Variants in ZNF17 observed in about 807,000 individuals in gnomAD.
ZNF17 encodes the protein zinc finger protein 17.
ZNF17 carries 4 observed loss-of-function variants against 7.7 expected under a neutral mutation model. The ratio of observed to expected loss-of-function variants is 0.52; its 90% CI spans 0.26 to 1.20. The LOEUF is 1.20. Ranked by LOEUF, ZNF17 falls within the 50% of genes most tolerant of loss-of-function variation. The probability of loss-of-function intolerance (pLI) is 0.14; values close to 1 mark genes in which losing one functional copy is unlikely to be tolerated. For missense variants in ZNF17, 738 were observed against 799.5 expected, an observed-to-expected ratio of 0.92 and a Z score of 0.93; for synonymous variants, 249 against 258.8, an observed-to-expected ratio of 0.96 and a Z score of 0.36.
At position 57,421,732 on chromosome 19, in the gene ZNF17, A is replaced by G. The variant is rs2088853407; in HGVS notation, c.*251A>G. 5 of 380,976 alleles carry G rather than the reference A, an allele frequency of 1.3e-5. No homozygotes were observed. In the East Asian group the frequency reaches 2.1e-4, roughly 16 times the overall value. 23.6% of individuals were successfully genotyped at this position (380,976 alleles called of 1,614,324 possible). ...TAAAACCTTATTCCTCACTCCATCC[A>G]GCCTCTTGACAAGCACCGCTCTGTA... On this transcript the variant is annotated 3_prime_UTR_variant, in exon 4 of 4. Coordinates refer to ENST00000307658, the MANE Select transcript of ZNF17 (RefSeq NM_001330617.2).
At chr19:57,415,599 C>A (rs2088806774) in intron 2 of ZNF17, among the ~76,000 whole-genome samples, 1 of 152,090 alleles carries the variant, frequency 6.6e-6, no homozygotes, top group Non-Finnish European at 1.5e-5. Flanking sequence ...GGGCTGAGGA[C>A]TGGATCTTTC....
chr19:57,413,494 C>T (rs373266124), intron 1 of ZNF17, 102 bp from the exon 2 acceptor site: 5 of 1,261,558 alleles, frequency 4.0e-6, no homozygotes, highest in East Asian at 5.1e-5. Flanking sequence ...TGTGTACCCT[C>T]AGATAACTTT....
Position 57,421,602 on chromosome 19 carries a change from A to C in ZNF17, c.*121A>C. The C allele has an allele frequency of 1.8e-6, 2 of 1,141,872 alleles. No individual in the cohort carries two copies. The highest frequency in any genetic ancestry group is 2.4e-6 in the Non-Finnish European group (2 of 819,024). The allele number at this position is 1,141,872 out of a possible 1,614,324, so 70.7% of individuals were successfully genotyped here. A position where few individuals can be genotyped will look rare whatever the true frequency, so the allele number is the denominator to read the frequency against. ...GAATACAGATAACATAAAATCTAAC[A>C]TCTTAACCATGTTAAAGTGTATAGT... On this transcript the variant is annotated 3_prime_UTR_variant, in exon 4 of 4. Coordinates refer to ENST00000307658, the MANE Select transcript of ZNF17 (RefSeq NM_001330617.2).
chr19:57,415,199 G>C (rs1033546739), intron 2 of ZNF17, among the ~76,000 whole-genome samples: 1 of 152,168 alleles, frequency 6.6e-6, no homozygotes, highest in African/African-American at 2.4e-5. Context: ...TTGATCTAGA[G>C]CTGCTCACAT....
rs1167464747 is a variant in ZNF17 at position 57,421,244 on chromosome 19, C to A, written c.1758C>A (p.Cys586Ter). The change falls in exon 4 of 4, where the codon TGC (cysteine) becomes TGA (stop). Residue 586 changes from cysteine to a stop codon, truncating the protein, a stop_gained. Transcript: ENST00000307658. LOFTEE classifies it low-confidence loss of function (END_TRUNC). ...KVHTRERTYK[C>*]SKCGKFFMDS... ...ACACTAGGGAAAGAACTTACAAATG[C>A]AGCAAATGTGGGAAATTTTTTATGG... 1.9e-6 allele frequency: 3 copies of A among 1,613,966 alleles called. No individual in the cohort carries two copies. Among genetic ancestry groups the A allele is most frequent in the Non-Finnish European group, 1.7e-6 (2 of 1,179,996 alleles).
chr19:57,416,023 G>C (rs1208637675), intron 2 of ZNF17, among the ~76,000 whole-genome samples: 4 of 152,058 alleles, frequency 2.6e-5, no homozygotes, highest in African/African-American at 9.7e-5. Flanking sequence ...GACTGCTTAT[G>C]GGACAACATA....
intron 2 of ZNF17, among the ~76,000 whole-genome samples, chr19:57,415,001 C>T (rs981584127): frequency 1.8e-4 from 28 of 152,342 alleles, no homozygotes; most frequent in Non-Finnish European, 2.9e-4. Context: ...TGAGCCACTG[C>T]ACCCAGCCAG....
rs556515874 is a variant in ZNF17, at chr19:57,418,709, A to G, written c.148+671A>G. On this transcript the variant is annotated intron_variant, in intron 3 of 3. Transcript: ENST00000307658. ...GGGAGCTCAGAAGGGGTGTGATGAC[A>G]GGGCTGGGTTCACATCACACTGGGA... Among the ~76,000 whole-genome samples, 245 of 152,172 alleles carry G rather than the reference A, an allele frequency of 1.6e-3. 1 individual carries two copies. Among genetic ancestry groups the G allele is most frequent in the Non-Finnish European group, 2.0e-3 (136 of 67,998 alleles).
At chr19:57,417,425 G>T (rs2088817487) in intron 2 of ZNF17, among the ~76,000 whole-genome samples, 1 of 152,172 alleles carries the variant, frequency 6.6e-6, no homozygotes, top group Non-Finnish European at 1.5e-5. Context: ...ATGTGTGATT[G>T]TTAGATAGGA....
intron 2 of ZNF17, among the ~76,000 whole-genome samples, chr19:57,416,178 G>A (rs1297917996): frequency 3.9e-5 from 6 of 152,114 alleles, no homozygotes; most frequent in East Asian, 3.9e-4. Flanking sequence ...ATTGCATTCT[G>A]GTCATTCTAG....
intron 1 of ZNF17, chr19:57,411,701 G>A (rs1409498456): frequency 7.6e-7 from 1 of 1,314,630 alleles, no homozygotes; most frequent in Non-Finnish European, 9.7e-7. Context: ...GAAAGCCGTA[G>A]AAGGCTGTGC....
Position 57,420,938 on chromosome 19 carries a change from C to T in ZNF17, c.1452C>T (p.Ser484=), listed in dbSNP as rs1398133952. 8.7e-6 allele frequency: 14 copies of T among 1,613,686 alleles called. No individual in the cohort carries two copies. The highest frequency in any genetic ancestry group is 5.0e-5 in the Admixed American group (3 of 59,986). ...CSECGKFFVD[S]CTLKSHQRVH... ...AATGTGGCAAATTCTTTGTGGACAG[C>T]TGTACACTGAAGAGTCATCAGAGAG... is the stretch of plus-strand genomic sequence containing the variant. The change falls in exon 4 of 4, where the codon AGC becomes AGT. Residue 484 remains serine, a synonymous_variant. Transcript: ENST00000307658.
chr19:57,416,055 G>A (rs914404395), intron 2 of ZNF17, among the ~76,000 whole-genome samples: 1 of 152,114 alleles, frequency 6.6e-6, no homozygotes, highest in Non-Finnish European at 1.5e-5. Context: ...GGGGGAGACA[G>A]CCAAGATCTG....
intron 2 of ZNF17, among the ~76,000 whole-genome samples, chr19:57,416,352 G>A (rs1236958297): frequency 1.3e-5 from 2 of 152,128 alleles, no homozygotes; most frequent in Non-Finnish European, 2.9e-5. Flanking sequence ...TCCAAAGCCT[G>A]AGTGGAGGAG....
rs2088849777 is a variant in ZNF17, at chr19:57,421,269, G to C, written c.1783G>C (p.Asp595His). The stretch of plus-strand genomic sequence containing the variant: ...CAGCAAATGTGGGAAATTTTTTATG[G>C]ACAGCTCCACACTCATTAGTCATGA... Reference protein sequence around the residue: ...KCSKCGKFFMDSSTLISHERV... With the variant: ...KCSKCGKFFMHSSTLISHERV... Residue 595 changes from aspartate to histidine, a missense_variant, in exon 4 of 4, where the codon GAC (aspartate) becomes CAC (histidine). Physicochemically the swap from Asp to His is moderately conservative, Grantham distance 81 (BLOSUM62 -1). This residue lies in a region of ZNF17 where 116 missense variants were observed against 114.0 expected (regional missense o/e 1.02). Coordinates refer to ENST00000307658, the MANE Select transcript of ZNF17 (RefSeq NM_001330617.2). 6.2e-7 allele frequency: 1 copy of C among 1,613,544 alleles called. No individual in the cohort carries two copies. Among genetic ancestry groups the C allele is most frequent in the South Asian group, 1.1e-5 (1 of 91,052 alleles).
In ZNF17 at chr19:57,421,621, G is replaced by GTA; in HGVS notation, c.*143_*144dup. 1.0e-6 allele frequency: 1 copy of GTA among 982,858 alleles called. No homozygotes were observed. Among genetic ancestry groups the GTA allele is most frequent in the Non-Finnish European group, 1.5e-6 (1 of 681,046 alleles). The allele number at this position is 982,858 out of a possible 1,614,324, so 60.9% of individuals were successfully genotyped here. A position where few individuals can be genotyped will look rare whatever the true frequency, so the allele number is the denominator to read the frequency against. ...TCTAACATCTTAACCATGTTAAAGT[G>GTA]TATAGTTCAGTACTGTTAAGTCATT... On this transcript the variant is annotated 3_prime_UTR_variant, in exon 4 of 4. Coordinates refer to ENST00000307658, the MANE Select transcript of ZNF17 (RefSeq NM_001330617.2).
intron 2 of ZNF17, among the ~76,000 whole-genome samples, chr19:57,415,067 GAGTT>G (rs1455575965): frequency 1.3e-5 from 2 of 152,194 alleles, no homozygotes; most frequent in Non-Finnish European, 2.9e-5. Context: ...GACAGAGTGA[GAGTT>G]AGGGAAGAAC....
chr19:57,420,270 A>G lies in ZNF17; in HGVS notation c.784A>G (p.Asn262Asp). 2 of 1,614,190 alleles carry G rather than the reference A, an allele frequency of 1.2e-6. No homozygotes were observed. The change falls in exon 4 of 4, where the codon AAT (asparagine) becomes GAT (aspartate). Residue 262 changes from asparagine to aspartate, a missense_variant. By Grantham distance (23) the Asn-to-Asp change is conservative (BLOSUM62 1). Around this residue, in one of 3 missense-constraint regions of ZNF17, gnomAD observed 616 missense variants for 663.9 expected, o/e 0.93. Coordinates refer to ENST00000307658, the MANE Select transcript of ZNF17 (RefSeq NM_001330617.2). ...ECGKAFSLKY[N>D]VVQHQKIHTG... Reference sequence around the variant, plus strand: ...TGGAAAAGCCTTCAGCCTCAAATACAATGTTGTTCAACACCAGAAAATTCA... The same window carrying G: ...TGGAAAAGCCTTCAGCCTCAAATACGATGTTGTTCAACACCAGAAAATTCA...
rs768559347 is a variant in ZNF17 at position 57,421,553 on chromosome 19, C to T, written c.*72C>T. The T allele has an allele frequency of 2.0e-4, 297 of 1,478,566 alleles. No homozygotes were observed. Among genetic ancestry groups the T allele is most frequent in the Non-Finnish European group, 2.6e-4 (285 of 1,103,114 alleles). 91.6% of individuals were successfully genotyped at this position (1,478,566 alleles called of 1,614,324 possible). Reference sequence around the variant, plus strand: ...TACTCTGATTTAGCACTGGGACCTACGTTTTAAAAAAAGTATTCTTGTAGA... The same window carrying T: ...TACTCTGATTTAGCACTGGGACCTATGTTTTAAAAAAAGTATTCTTGTAGA... On this transcript the variant is annotated 3_prime_UTR_variant, in exon 4 of 4. Coordinates refer to ENST00000307658, the MANE Select transcript of ZNF17 (RefSeq NM_001330617.2).
Sources: allele counts gnomAD v4.1 joint callset (sites outside exome capture counted in the v4.1 genomes callset), GRCh38; gene constraint gnomAD v4.1.1; regional missense constraint gnomAD v4.1.1; transcripts MANE v1.5; gene names NCBI Gene and HGNC (gene_info 2026-07-23, HGNC 2026-07-21).